Variants in KCTD19 observed in about 807,000 individuals in gnomAD.
KCTD19 encodes BTB/POZ domain-containing protein KCTD19.
Under a neutral mutation model 103.5 loss-of-function variants are expected in KCTD19, and 67 were observed. The observed-to-expected ratio is 0.65, with a 90% CI of 0.53 to 0.79. The LOEUF (loss-of-function observed/expected upper bound fraction) is 0.79. Ranked by LOEUF, KCTD19 falls within the 30% of genes least tolerant of loss-of-function variation. The probability of loss-of-function intolerance (pLI) is 0.00; values close to 1 mark genes in which losing one functional copy is unlikely to be tolerated. For synonymous variants in KCTD19, 439 were observed against 452.2 expected, an observed-to-expected ratio of 0.97 and a Z score of 0.37; for missense variants, 980 against 1,136.1, an observed-to-expected ratio of 0.86 and a Z score of 1.98.
At chr16:67,296,642 C>T (rs2036768296) in intron 7 of KCTD19, among the ~76,000 whole-genome samples, 1 of 152,146 alleles carries the variant, frequency 6.6e-6, no homozygotes, top group African/African-American at 2.4e-5. Context: ...CGTGGTTTGG[C>T]AAATGTCATG....
chr16:67,320,829 C>T lies in KCTD19; in HGVS notation c.60G>A (p.Gly20=). The T allele has an allele frequency of 6.2e-7, 1 of 1,614,088 alleles. No homozygotes were observed. Among genetic ancestry groups the T allele is most frequent in the African/African-American group, 1.3e-5 (1 of 75,014 alleles). ...TTCTGGGAACTGAGAAATGCCAGCC[C>T]CCTACGTTGAAATGAAACAAGTCCT... ...SAEDLFHFNV[G]GWHFSVPRSK... is the part of the protein sequence containing the mutation. The change falls in exon 2 of 16, where the codon GGG becomes GGA. Residue 20 remains glycine (G), a synonymous_variant. Coordinates refer to ENST00000304372, the MANE Select transcript of KCTD19 (RefSeq NM_001100915.3). This position sits in a 1 kb window ranked among gnomAD's most constrained non-coding sequence, Gnocchi z 4.0.
Position 67,303,296 on chromosome 16 carries a change from G to A in KCTD19, c.493C>T (p.Leu165=). The change falls in exon 4 of 16, where the codon CTG becomes TTG. Residue 165 remains leucine, a synonymous_variant. Coordinates refer to ENST00000304372, the MANE Select transcript of KCTD19 (RefSeq NM_001100915.3). This position sits in a 1 kb window ranked among gnomAD's most constrained non-coding sequence, Gnocchi z 4.3. ...KAPLGLMDTP[L]LDTEEEVHYC... ...TGCACCTCCTCTTCTGTGTCTAACA[G>A]GGGTGTGTCCATGAGCCCCAGAGGT... is the stretch of plus-strand genomic sequence containing the variant. 1.2e-6 allele frequency: 2 copies of A among 1,614,010 alleles called. No individual in the cohort carries two copies. The highest frequency in any genetic ancestry group is 1.7e-6 in the Non-Finnish European group (2 of 1,179,928).
rs74507704 is a variant in KCTD19, at chr16:67,323,891, C to CAAA, written c.3+2811_3+2813dup. On this transcript the variant is annotated intron_variant, in intron 1 of 15. Coordinates refer to ENST00000304372, the MANE Select transcript of KCTD19 (RefSeq NM_001100915.3). This position sits in a 1 kb window ranked among gnomAD's most constrained non-coding sequence, Gnocchi z 4.1. ...TGTGAATTATATCTCAATAGATCTA[C>CAAA]AAAAAAAAAAAAAGATGAGGTACTG... Among the ~76,000 whole-genome samples, 1 of 126,028 alleles carries CAAA rather than the reference C, an allele frequency of 7.9e-6. No individual in the cohort carries two copies. Among genetic ancestry groups the CAAA allele is most frequent in the Non-Finnish European group, 1.7e-5 (1 of 58,388 alleles). The allele number at this position is 126,028 out of a possible 152,430, so 82.7% of individuals were successfully genotyped here.
In KCTD19 at chr16:67,303,011, T is replaced by C. The variant is rs1213192715; in HGVS notation, c.643+135A>G. ...GCTTGCTTCCTGGAAGGCTCTGTCA[T>C]GCTTCCGCTACCTCTGCCCAGGGAA... On this transcript the variant is annotated intron_variant, in intron 4 of 15. Coordinates refer to ENST00000304372, the MANE Select transcript of KCTD19 (RefSeq NM_001100915.3). The surrounding 1 kb of genome is among the most constrained non-coding windows in gnomAD (Gnocchi z 4.3). 2 of 757,334 alleles carry C rather than the reference T, an allele frequency of 2.6e-6. No homozygotes were observed. The highest frequency in any genetic ancestry group is 3.7e-4 in the Middle Eastern group (1 of 2,714). 46.9% of individuals were successfully genotyped at this position (757,334 alleles called of 1,614,324 possible). A position where few individuals can be genotyped will look rare whatever the true frequency, so the allele number is the denominator to read the frequency against.
rs1360497378 is a variant in KCTD19 at position 67,300,543 on chromosome 16, G to T, written c.776-970C>A. On this transcript the variant is annotated intron_variant, in intron 5 of 15. Coordinates refer to ENST00000304372, the MANE Select transcript of KCTD19 (RefSeq NM_001100915.3). This position sits in a 1 kb window ranked among gnomAD's most constrained non-coding sequence, Gnocchi z 4.5. Reference sequence around the variant, plus strand: ...AATGATCTATGTTCTCTGAGGAGTAGAAGGCTTTGAGGGAAGGGGCTGAAC... The same window carrying T: ...AATGATCTATGTTCTCTGAGGAGTATAAGGCTTTGAGGGAAGGGGCTGAAC... 6.6e-6 allele frequency: 1 copy of T among 152,316 alleles called. No homozygotes were observed. The highest frequency in any genetic ancestry group is 1.5e-5 in the Non-Finnish European group (1 of 68,088). 9.4% of individuals were successfully genotyped at this position (152,316 alleles called of 1,614,324 possible). A position where few individuals can be genotyped will look rare whatever the true frequency, so the allele number is the denominator to read the frequency against.
intron 2 of KCTD19, among the ~76,000 whole-genome samples, chr16:67,311,462 C>G (rs1229383897): frequency 6.6e-6 from 1 of 152,094 alleles, no homozygotes; most frequent in Non-Finnish European, 1.5e-5. Flanking sequence ...GCCACCACGC[C>G]TGGCTAATTT....
intron 2 of KCTD19, among the ~76,000 whole-genome samples, chr16:67,319,179 C>T (rs963770152): frequency 3.3e-5 from 5 of 150,878 alleles, no homozygotes; most frequent in Non-Finnish European, 5.9e-5. Context: ...GCCGAGATGG[C>T]GCCATTGCAC....
intron 9 of KCTD19, 46 bp from the exon 10 acceptor site, chr16:67,295,102 T>G (rs1449426027): frequency 6.3e-7 from 1 of 1,583,710 alleles, no homozygotes; most frequent in Non-Finnish European, 8.7e-7. Flanking sequence ...AGGATGAGGG[T>G]GTGGGAGGGA....
chr16:67,293,646 C>T lies in KCTD19; in HGVS notation c.2116G>A (p.Gly706Arg), dbSNP rs1304837350. 1.9e-6 allele frequency: 3 copies of T among 1,614,050 alleles called. No individual in the cohort carries two copies. The highest frequency in any genetic ancestry group is 1.7e-6 in the Non-Finnish European group (2 of 1,180,034). The part of the protein sequence containing the change: ...DPGPQAGAGA[G>R]AKDKGPEPTF... ...GGCTCTGGCCCCTTGTCTTTCGCTC[C>T]AGCTCCAGCCCCTGCCTGTGGTCCT... Residue 706 changes from glycine (G) to arginine (R), a missense_variant, in exon 12 of 16, where the codon GGA (glycine) becomes AGA (arginine). Coordinates refer to ENST00000304372, the MANE Select transcript of KCTD19 (RefSeq NM_001100915.3). The surrounding 1 kb of genome is among the most constrained non-coding windows in gnomAD (Gnocchi z 4.0).
chr16:67,306,518 G>T (rs536650560), intron 2 of KCTD19, among the ~76,000 whole-genome samples: 12 of 152,206 alleles, frequency 7.9e-5, no homozygotes, highest in Admixed American at 6.5e-4. Context: ...CACCAGCCTC[G>T]GCTGGTGCTG....
chr16:67,314,580 A>ATTTG (rs1211464234), intron 2 of KCTD19, among the ~76,000 whole-genome samples: 6 of 151,290 alleles, frequency 4.0e-5, no homozygotes, highest in African/African-American at 9.7e-5. Flanking sequence ...TTATTTATTT[A>ATTTG]TTTGTTTGTT....
chr16:67,291,506 C>T (rs2036695063), intron 13 of KCTD19, 43 bp from the exon 14 acceptor site: 9 of 1,600,438 alleles, frequency 5.6e-6, no homozygotes, highest in Non-Finnish European at 6.8e-6. Flanking sequence ...CTGTCAATAG[C>T]TAGGGCCTTA....
chr16:67,302,093 C>T (rs551850333), intron 4 of KCTD19, 171 bp from the exon 5 acceptor site: 4 of 589,234 alleles, frequency 6.8e-6, no homozygotes, highest in Admixed American at 3.0e-5. Flanking sequence ...GTTTTCAAGG[C>T]GAAAGACCCC....
intron 2 of KCTD19, among the ~76,000 whole-genome samples, chr16:67,310,194 T>A (rs1157937499): frequency 6.6e-6 from 1 of 152,212 alleles, no homozygotes; most frequent in Non-Finnish European, 1.5e-5. Context: ...CACTTACTTA[T>A]TTTTGATCTG....
At chr16:67,322,816 TAAA>T (rs1483384451) in intron 1 of KCTD19, among the ~76,000 whole-genome samples, 1 of 152,178 alleles carries the variant, frequency 6.6e-6, no homozygotes, top group Non-Finnish European at 1.5e-5. Context: ...ATTTGTCTGA[TAAA>T]GAACTTGTTT....
At chr16:67,305,741 C>A in intron 2 of KCTD19, 1 of 340,850 alleles carries the variant, frequency 2.9e-6, no homozygotes. Context: ...ACTTTAAAGG[C>A]ACCAGATCCT....
chr16:67,303,954 TCAAAC>T lies in KCTD19; in HGVS notation c.451+462_451+466del, dbSNP rs1362883212. Among the ~76,000 whole-genome samples, 5 of 152,228 alleles carry T rather than the reference TCAAAC, an allele frequency of 3.3e-5. No individual in the cohort carries two copies. The highest frequency in any genetic ancestry group is 7.3e-5 in the Non-Finnish European group (5 of 68,038). On this transcript the variant is annotated intron_variant, in intron 3 of 15. Transcript: ENST00000304372. The surrounding 1 kb of genome is among the most constrained non-coding windows in gnomAD (Gnocchi z 4.3). ...CATTTACCCATTTGATTCTAATTGA[TCAAAC>T]CAAACACAGTGATCCACAGACAAAA... is the stretch of plus-strand genomic sequence containing the variant.
chr16:67,295,941 C>T (rs2036759794), intron 8 of KCTD19: 1 of 513,520 alleles, frequency 1.9e-6, no homozygotes, highest in Non-Finnish European at 3.6e-6. Context: ...GACGGGGTTT[C>T]ACCATGTTGG....
intron 15 of KCTD19, 58 bp downstream of exon 15, chr16:67,290,827 G>A (rs1036406885): frequency 1.3e-5 from 19 of 1,450,910 alleles, no homozygotes; most frequent in African/African-American, 9.9e-5. Context: ...CAAGACACAC[G>A]TCCATCTGAG....
Sources: gnomAD v4.1 joint callset for allele counts (sites outside exome capture counted in the v4.1 genomes callset) on GRCh38, gnomAD v4.1.1 for gene constraint, Gnocchi (gnomAD v3.1) non-coding constraint, MANE v1.5 for transcripts, NCBI Gene and HGNC (gene_info 2026-07-23, HGNC 2026-07-21) for gene names.